Variants in LRBA observed in about 807,000 individuals in gnomAD.
LRBA encodes the protein LPS responsive beige-like anchor protein, also known as lipopolysaccharide-responsive and beige-like anchor protein.
LRBA carries 176 observed loss-of-function variants against 330.0 expected under a neutral mutation model. The ratio of observed to expected loss-of-function variants is 0.53; its 90% CI spans 0.47 to 0.60. LRBA has a LOEUF of 0.60. LRBA is among the 20% of genes least tolerant of loss of function. The pLI, the probability that LRBA is intolerant of heterozygous loss-of-function variation, is 0.00. For missense variants in LRBA, 3,259 were observed against 3,444.8 expected (o/e 0.95, Z 1.35); for synonymous variants, 1,230 against 1,193.0 (o/e 1.03, Z -0.64).
At chr4:150,938,765 A>G (rs1735364788) in intron 2 of LRBA, among the ~76,000 whole-genome samples, 2 of 152,190 alleles carry the variant, frequency 1.3e-5, no homozygotes, top group African/African-American at 4.8e-5. Flanking sequence ...TGGCAATCAT[A>G]GAACTGCCAC....
rs1746606841 is a variant in LRBA, at chr4:150,828,438, C to G, written c.4913G>C (p.Ser1638Thr). Residue 1638 changes from serine (S) to threonine (T), a missense_variant, in exon 30 of 57, where the codon AGC (serine) becomes ACC (threonine). Coordinates refer to ENST00000651943, the MANE Select transcript of LRBA (RefSeq NM_001364905.1). ...PGVSAGPDAI[S>T]EVLSTLSLEV... The stretch of plus-strand genomic sequence containing the variant: ...TAAAGAAAGAGTAGATAGCACCTCG[C>G]TGATTGCATCTGGGCCTGCACTGAC... 1 of 1,614,136 alleles carries G rather than the reference C, an allele frequency of 6.2e-7. No homozygotes were observed. Among genetic ancestry groups the G allele is most frequent in the Non-Finnish European group, 8.5e-7 (1 of 1,180,010 alleles).
intron 37 of LRBA, among the ~76,000 whole-genome samples, chr4:150,629,603 T>A (rs1777179506): frequency 6.6e-6 from 1 of 151,374 alleles, no homozygotes. Context: ...CACACTACTG[T>A]ACTACAGCCT....
chr4:150,362,626 A>C (rs914397531), intron 47 of LRBA, among the ~76,000 whole-genome samples: 1 of 152,212 alleles, frequency 6.6e-6, no homozygotes, highest in African/African-American at 2.4e-5. Flanking sequence ...ACAAGATCTC[A>C]GGTGATACTG....
chr4:150,464,743 C>T lies in LRBA; in HGVS notation c.6780+2930G>A, dbSNP rs372067364. On this transcript the variant is annotated intron_variant, in intron 44 of 56. Transcript: ENST00000651943. Reference sequence around the variant, plus strand: ...AAGCTGTCACAGCTCAAGTGTCCTCCATGTGTCAGTCACAACCCATCAGCA... The same window carrying T: ...AAGCTGTCACAGCTCAAGTGTCCTCTATGTGTCAGTCACAACCCATCAGCA... Among the ~76,000 whole-genome samples, 3 of 152,016 alleles carry T rather than the reference C, an allele frequency of 2.0e-5. No homozygotes were observed. The East Asian group carries it at 5.8e-4, about 29-fold the overall frequency.
chr4:150,313,364 T>C (rs1258842750), intron 51 of LRBA, among the ~76,000 whole-genome samples: 1 of 152,198 alleles, frequency 6.6e-6, no homozygotes, highest in African/African-American at 2.4e-5. Flanking sequence ...TTAGATTCTA[T>C]TGGATATATT....
chr4:150,292,111 C>T (rs1052537627), intron 53 of LRBA, among the ~76,000 whole-genome samples: 13 of 152,100 alleles, frequency 8.5e-5, no homozygotes, highest in Non-Finnish European at 1.6e-4. Context: ...TTCTTTGGTG[C>T]CCTCGCAACA....
rs114965802 is a variant in LRBA at position 150,923,613 on chromosome 4, T to A, written c.550-2320A>T. On this transcript the variant is annotated intron_variant, in intron 4 of 56. Transcript: ENST00000651943. ...AACGCTGAGTTTATTTGATTAATGT[T>A]TCCTTGGTCCACAAGTCTCTAATAC... is the stretch of plus-strand genomic sequence containing the variant. Among the ~76,000 whole-genome samples the A allele has an allele frequency of 1.8e-3, 273 of 152,344 alleles. 1 individual carries two copies. The highest frequency in any genetic ancestry group is 6.1e-3 in the African/African-American group (254 of 41,582).
At chr4:150,508,880 A>T (rs753690742) in intron 40 of LRBA, among the ~76,000 whole-genome samples, 1 of 152,236 alleles carries the variant, frequency 6.6e-6, no homozygotes, top group African/African-American at 2.4e-5. Flanking sequence ...ACTGACATTT[A>T]TAGAACAGTC....
rs140452259 is a variant in LRBA, at chr4:150,343,792, A to T, written c.7362+6200T>A. Among the ~76,000 whole-genome samples the T allele has an allele frequency of 2.2e-3, 341 of 152,258 alleles. 7 individuals are homozygous for T. The highest frequency in any genetic ancestry group is 6.2e-4 in the Non-Finnish European group (42 of 67,984). On this transcript the variant is annotated intron_variant, in intron 48 of 56. Transcript: ENST00000651943. Reference sequence around the variant, plus strand: ...TTCTACACCTATTCTCCTGATGTTGAAAACACAGAAAAACAATATTGAAAG... The same window carrying T: ...TTCTACACCTATTCTCCTGATGTTGTAAACACAGAAAAACAATATTGAAAG...
intron 17 of LRBA, among the ~76,000 whole-genome samples, chr4:150,888,694 T>C (rs1421428969): frequency 6.6e-6 from 1 of 151,650 alleles, no homozygotes; most frequent in Non-Finnish European, 1.5e-5. Flanking sequence ...AAAATTCAAA[T>C]AAAAACAACA....
Position 150,831,900 on chromosome 4 carries a change from C to G in LRBA, c.4646G>C (p.Arg1549Thr), listed in dbSNP as rs1747250569. 1 of 1,604,620 alleles carries G rather than the reference C, an allele frequency of 6.2e-7. No homozygotes were observed. The highest frequency in any genetic ancestry group is 8.5e-7 in the Non-Finnish European group (1 of 1,175,146). ...FISVLMVSKY[R>T]DILEPQNERH... ...TTCATTTTGGGGTTCCAAAATGTCT[C>G]TGTACTTGGAGACCATAAGAACAGA... The change falls in exon 29 of 57, where the codon AGA (arginine) becomes ACA (threonine). Residue 1549 changes from arginine to threonine, a missense_variant. Transcript: ENST00000651943.
chr4:150,793,610 A>G (rs1260294474), intron 34 of LRBA, among the ~76,000 whole-genome samples: 1 of 152,224 alleles, frequency 6.6e-6, no homozygotes, highest in Non-Finnish European at 1.5e-5. Context: ...ACAATAGAAA[A>G]AAAACACAGT....
intron 31 of LRBA, among the ~76,000 whole-genome samples, chr4:150,809,930 G>A (rs920485192): frequency 7.8e-6 from 1 of 128,320 alleles, no homozygotes; most frequent in Non-Finnish European, 1.7e-5. Context: ...GATACGATAC[G>A]ATACTTCCCT....
Position 150,748,888 on chromosome 4 carries a change from C to T in LRBA, c.5645+12895G>A, listed in dbSNP as rs142130761. Among the ~76,000 whole-genome samples, 5 of 152,220 alleles carry T rather than the reference C, an allele frequency of 3.3e-5. No homozygotes were observed. The East Asian group carries it at 7.7e-4, about 24-fold the overall frequency. On this transcript the variant is annotated intron_variant, in intron 35 of 56. Transcript: ENST00000651943. Reference sequence around the variant, plus strand: ...CAATGTTTAGCCTCTTCTGCCCTTTCGGCTTCCACCAGGTGAAGACACAGT... The same window carrying T: ...CAATGTTTAGCCTCTTCTGCCCTTTTGGCTTCCACCAGGTGAAGACACAGT...
intron 37 of LRBA, among the ~76,000 whole-genome samples, chr4:150,656,405 G>A (rs188781696): frequency 6.6e-6 from 1 of 152,146 alleles, no homozygotes. Context: ...TTGTGTTGTT[G>A]TGGGTTTTGT....
chr4:150,727,541 T>C (rs1240201188), intron 36 of LRBA, among the ~76,000 whole-genome samples: 1 of 152,108 alleles, frequency 6.6e-6, no homozygotes, highest in Non-Finnish European at 1.5e-5. Flanking sequence ...GAAATATAAC[T>C]ACAAATCAAT....
At chr4:150,923,880 G>A (rs930496346) in intron 4 of LRBA, among the ~76,000 whole-genome samples, 3 of 152,136 alleles carry the variant, frequency 2.0e-5, no homozygotes, top group Non-Finnish European at 4.4e-5. Context: ...GTGTAAAAGA[G>A]TTTGGCAACC....
rs115523095 is a variant in LRBA at position 150,537,517 on chromosome 4, A to G, written c.6331-46482T>C. ...TAAAATAAAGAGCTTCTGCACACCA[A>G]AAGAAACTATCAACCAAGTAAACAG... On this transcript the variant is annotated intron_variant, in intron 40 of 56. Transcript: ENST00000651943. 1.2e-3 allele frequency among the ~76,000 whole-genome samples: 189 copies of G among 152,350 alleles called. 4 individuals carry two copies. The highest frequency in any genetic ancestry group is 4.4e-3 in the African/African-American group (185 of 41,588).
chr4:150,830,667 C>T (rs146997110), intron 29 of LRBA, among the ~76,000 whole-genome samples: 2 of 151,754 alleles, frequency 1.3e-5, no homozygotes, highest in East Asian at 1.9e-4. Flanking sequence ...ACACTAAGTG[C>T]AGGGTAAGGT....
Sources: allele counts gnomAD v4.1 joint callset (sites outside exome capture counted in the v4.1 genomes callset), GRCh38; gene constraint gnomAD v4.1.1; transcripts MANE v1.5; gene names NCBI Gene and HGNC (gene_info 2026-07-23, HGNC 2026-07-21).